KCNH2: variants seen among roughly 807,000 people sequenced by gnomAD.
The protein encoded by KCNH2 is voltage-gated inwardly rectifying potassium channel KCNH2.
KCNH2 carries 35 observed loss-of-function variants against 95.9 expected under a neutral mutation model. The observed-to-expected ratio is 0.37, with a 90% CI of 0.28 to 0.48. The LOEUF (loss-of-function observed/expected upper bound fraction) is 0.48. Ranked by LOEUF, KCNH2 falls within the 20% of genes least tolerant of loss-of-function variation. The pLI is 0.99. For missense variants in KCNH2, 1,274 were observed against 1,702.9 expected (o/e 0.75, Z 4.43); for synonymous variants, 786 against 754.7 (o/e 1.04, Z -0.68).
intron 2 of KCNH2, among the ~76,000 whole-genome samples, chr7:150,971,582 G>A (rs41308987): frequency 1.2e-3 from 177 of 152,214 alleles, no homozygotes; most frequent in African/African-American, 4.1e-3. Flanking sequence ...TAGAGGCTCC[G>A]AGGGGTGGGG....
chr7:150,972,560 G>C (rs958687680), intron 2 of KCNH2, among the ~76,000 whole-genome samples: 3 of 152,230 alleles, frequency 2.0e-5, no homozygotes, highest in Non-Finnish European at 2.9e-5. Context: ...TGGCCAACAG[G>C]AGACACCTGA....
chr7:150,965,030 GAGAGAGACAGAGAC>G (rs896694485), intron 2 of KCNH2, among the ~76,000 whole-genome samples: 41 of 152,208 alleles, frequency 2.7e-4, no homozygotes, highest in African/African-American at 9.9e-4. Context: ...GAGAAGGAGG[GAGAGAGACAGAGAC>G]AGGGAGAGAG....
chr7:150,974,432 G>GA lies in KCNH2; in HGVS notation c.307+278dup, dbSNP rs371695614. Among the ~76,000 whole-genome samples, 235 of 152,148 alleles carry GA rather than the reference G, an allele frequency of 1.5e-3. 1 individual carries two copies. Among genetic ancestry groups the GA allele is most frequent in the African/African-American group, 4.7e-3 (196 of 41,516 alleles). ...CTCTACGTGCCCACACCTGCCCAGG[G>GA]AAAAAAAGGACCAGAGGAGCCAGAC... On this transcript the variant is annotated intron_variant, in intron 2 of 14. Coordinates refer to ENST00000262186, the MANE Select transcript of KCNH2 (RefSeq NM_000238.4).
chr7:150,946,571 C>T lies in KCNH2; in HGVS notation c.3330+306G>A, dbSNP rs555878133. Reference sequence around the variant, plus strand: ...CCACCGTTGGAGCTGGCTCTTCAGGCGATGCTCCGGGGCCTGGCGGTGGAG... The same window carrying T: ...CCACCGTTGGAGCTGGCTCTTCAGGTGATGCTCCGGGGCCTGGCGGTGGAG... On this transcript the variant is annotated intron_variant, in intron 14 of 14. Coordinates refer to ENST00000262186, the MANE Select transcript of KCNH2 (RefSeq NM_000238.4). The surrounding 1 kb of genome is among the most constrained non-coding windows in gnomAD (Gnocchi z 6.5). 6.0e-4 allele frequency among the ~76,000 whole-genome samples: 91 copies of T among 152,278 alleles called. No homozygotes were observed. Among genetic ancestry groups the T allele is most frequent in the African/African-American group, 2.0e-3 (83 of 41,560 alleles).
intron 2 of KCNH2, among the ~76,000 whole-genome samples, chr7:150,969,599 T>C (rs1361953295): frequency 6.6e-6 from 1 of 152,176 alleles, no homozygotes. Flanking sequence ...CAGGGAAGGC[T>C]CCTGCAACGC....
chr7:150,958,250 C>T lies in KCNH2; in HGVS notation c.725G>A (p.Arg242His). The T allele has an allele frequency of 7.1e-7, 1 of 1,412,706 alleles. No homozygotes were observed. The highest frequency in any genetic ancestry group is 9.2e-7 in the Non-Finnish European group (1 of 1,086,634). 87.5% of individuals were successfully genotyped at this position (1,412,706 alleles called of 1,614,324 possible). Residue 242 changes from arginine to histidine, a missense_variant, in exon 4 of 15, where the codon CGC (arginine) becomes CAC (histidine). Physicochemically the swap from Arg to His is conservative, Grantham distance 29. This residue lies in a region of KCNH2 where 392 missense variants were observed against 429.9 expected (regional missense o/e 0.91). Transcript: ENST00000262186. ...CGATGGGAGCTGGCCGGGCGCGCTGCGGGGCGGAGAGCCGGGACCCACCAG... is the reference window on the plus strand; with the variant it reads ...CGATGGGAGCTGGCCGGGCGCGCTGTGGGGCGGAGAGCCGGGACCCACCAG... ...RALVGPGSPP[R>H]SAPGQLPSPR...
Position 150,946,853 on chromosome 7 carries a change from CG to C in KCNH2, c.3330+23del. 1 of 1,590,012 alleles carries C rather than the reference CG, an allele frequency of 6.3e-7. No homozygotes were observed. Among genetic ancestry groups the C allele is most frequent in the Non-Finnish European group, 8.6e-7 (1 of 1,164,492 alleles). On this transcript the variant is annotated intron_variant, in intron 14 of 14. Transcript: ENST00000262186. The surrounding 1 kb of genome is among the most constrained non-coding windows in gnomAD (Gnocchi z 6.5). The stretch of plus-strand genomic sequence containing the variant: ...GGGGAACAAGCGGGTCACGGTACAT[CG>C]AGGAAGCAGGGCTGGAGCTTACCTG...
intron 2 of KCNH2, among the ~76,000 whole-genome samples, chr7:150,969,471 C>T (rs190819272): frequency 8.6e-6 from 1 of 116,696 alleles, no homozygotes; most frequent in Non-Finnish European, 1.8e-5. Context: ...GAGGGTGAAG[C>T]TGGGAGCCCC....
chr7:150,947,612 G>A lies in KCNH2; in HGVS notation c.2959C>T (p.Leu987=), dbSNP rs1800955984. The A allele has an allele frequency of 1.9e-6, 3 of 1,612,774 alleles. No homozygotes were observed. Among genetic ancestry groups the A allele is most frequent in the Non-Finnish European group, 2.5e-6 (3 of 1,179,570 alleles). The part of the protein sequence containing the change: ...CEKSSDTCNP[L]SGAFSGVSNI... ...CGCCCGTCGCCCGGGATACCTGACAGGGGGTTGCAAGTGTCGCTGCTCTTC... is the reference window on the plus strand; with the variant it reads ...CGCCCGTCGCCCGGGATACCTGACAAGGGGTTGCAAGTGTCGCTGCTCTTC... Residue 987 remains leucine (L), a synonymous_variant, in exon 12 of 15, where the codon CTG becomes TTG. Transcript: ENST00000262186.
In KCNH2 at chr7:150,958,200, C is replaced by T. The variant is rs199472876; in HGVS notation, c.775G>A (p.Asp259Asn). Reference sequence around the variant, plus strand: ...AGGCTGCAGCTGGAGCCCGAGGCGTCGGGGTTGAGGCTGTGCGCCCGGGGC... The same window carrying T: ...AGGCTGCAGCTGGAGCCCGAGGCGTTGGGGTTGAGGCTGTGCGCCCGGGGC... Reference protein sequence around the residue: ...PSPRAHSLNPDASGSSCSLAR... With the variant: ...PSPRAHSLNPNASGSSCSLAR... The change falls in exon 4 of 15, where the codon GAC becomes AAC. Residue 259 changes from aspartate to asparagine, a missense_variant. Asp to Asn is a conservative substitution (Grantham distance 23). Transcript: ENST00000262186. 1.0e-5 allele frequency: 14 copies of T among 1,364,026 alleles called. No homozygotes were observed. Among genetic ancestry groups the T allele is most frequent in the South Asian group, 3.5e-5 (2 of 56,418 alleles). The allele number at this position is 1,364,026 out of a possible 1,614,324, so 84.5% of individuals were successfully genotyped here. A position where few individuals can be genotyped will look rare whatever the true frequency, so the allele number is the denominator to read the frequency against.
chr7:150,945,098 G>C lies in KCNH2; in HGVS notation c.*267C>G. 2.0e-6 allele frequency: 1 copy of C among 492,224 alleles called. No homozygotes were observed. The highest frequency in any genetic ancestry group is 3.1e-5 in the East Asian group (1 of 32,534). 30.5% of individuals were successfully genotyped at this position (492,224 alleles called of 1,614,324 possible). A position where few individuals can be genotyped will look rare whatever the true frequency, so the allele number is the denominator to read the frequency against. On this transcript the variant is annotated 3_prime_UTR_variant, in exon 15 of 15. Coordinates refer to ENST00000262186, the MANE Select transcript of KCNH2 (RefSeq NM_000238.4). This position sits in a 1 kb window ranked among gnomAD's most constrained non-coding sequence, Gnocchi z 5.6. ...TTGAGGTGCCTAAGGCCCAGGGCCGGGTGCCTCCGGGCAGTTAGACCAGCT... is the reference window on the plus strand; with the variant it reads ...TTGAGGTGCCTAAGGCCCAGGGCCGCGTGCCTCCGGGCAGTTAGACCAGCT...
At chr7:150,953,598 C>T (rs555732886) in intron 5 of KCNH2, among the ~76,000 whole-genome samples, 3 of 152,342 alleles carry the variant, frequency 2.0e-5, no homozygotes, top group South Asian at 4.1e-4. Flanking sequence ...CTCACACTCA[C>T]ACTCTGCCTC....
chr7:150,949,715 A>C, intron 9 of KCNH2: 1 of 1,177,680 alleles, frequency 8.5e-7, no homozygotes, highest in South Asian at 1.7e-5. Context: ...CAACCCACCC[A>C]CTGTGCACAG....
At chr7:150,948,748 AC>A in intron 10 of KCNH2, 107 bp downstream of exon 10, 1 of 1,181,880 alleles carries the variant, frequency 8.5e-7, no homozygotes, top group Non-Finnish European at 1.2e-6. Flanking sequence ...CATTTGACAG[AC>A]AGGGAAACTG....
chr7:150,970,425 C>T (rs1295801270), intron 2 of KCNH2, among the ~76,000 whole-genome samples: 1 of 152,222 alleles, frequency 6.6e-6, no homozygotes, highest in African/African-American at 2.4e-5. Context: ...AAGCCGCTCT[C>T]CCGACGCTCT....
At chr7:150,976,346 T>C (rs1801979701) in intron 1 of KCNH2, among the ~76,000 whole-genome samples, 1 of 152,116 alleles carries the variant, frequency 6.6e-6, no homozygotes, top group Non-Finnish European at 1.5e-5. Context: ...AACTGGTTCA[T>C]CTTTTGGCCA....
chr7:150,968,934 C>T (rs573024474), intron 2 of KCNH2, among the ~76,000 whole-genome samples: 90 of 152,336 alleles, frequency 5.9e-4, no homozygotes, highest in Non-Finnish European at 1.1e-3. Flanking sequence ...TGGCACCGCA[C>T]GCTGCTTTGT....
chr7:150,956,207 G>A (rs1419534236), intron 5 of KCNH2, among the ~76,000 whole-genome samples: 1 of 152,316 alleles, frequency 6.6e-6, no homozygotes, highest in Admixed American at 6.5e-5. Flanking sequence ...GCTCAGGTGG[G>A]AACCAAGAGA....
chr7:150,948,401 ACCTTGTC>A, intron 11 of KCNH2, 36 bp downstream of exon 11: 1 of 1,434,998 alleles, frequency 7.0e-7, no homozygotes, highest in Non-Finnish European at 9.5e-7. Flanking sequence ...TCCCAGCCTC[ACCTTGTC>A]CCCGCCCTCC....
Sources: allele counts gnomAD v4.1 joint callset (sites outside exome capture counted in the v4.1 genomes callset), GRCh38; gene constraint gnomAD v4.1.1; regional missense constraint gnomAD v4.1.1; non-coding constraint Gnocchi (gnomAD v3.1); transcripts MANE v1.5; gene names NCBI Gene and HGNC (gene_info 2026-07-23, HGNC 2026-07-21).